Variants in GET1 observed in about 807,000 individuals in gnomAD.
GET1 encodes congenital heart disease 5 protein.
GET1 carries 20 observed loss-of-function variants against 22.6 expected under a neutral mutation model. That is an observed-to-expected ratio of 0.89 (90% confidence interval 0.62 to 1.29). The LOEUF (loss-of-function observed/expected upper bound fraction) is 1.29. Ranked by LOEUF, GET1 falls within the 50% of genes most tolerant of loss-of-function variation. GET1 has a pLI of 0.00. For missense variants in GET1, 209 were observed against 219.9 expected, an observed-to-expected ratio of 0.95 and a Z score of 0.31; for synonymous variants, 92 against 83.8, an observed-to-expected ratio of 1.10 and a Z score of -0.53.
intron 4 of GET1, among the ~76,000 whole-genome samples, chr21:39,396,161 C>T (rs987334789): frequency 2.0e-5 from 3 of 151,962 alleles, no homozygotes; most frequent in Non-Finnish European, 1.5e-5. Context: ...TTTTGGAGGC[C>T]GAGTTAGGCA....
At position 39,380,449 on chromosome 21, in the gene GET1, ATG is replaced by A; in HGVS notation, c.67_68del (p.Val23SerfsTer2). Reference sequence around the variant, plus strand: ...GTGCTCAGCTTCGTGTTTGGATGCAATGTTCTTAGGATCCTCCTCCCGTCCTT... The same window carrying A: ...GTGCTCAGCTTCGTGTTTGGATGCAATTCTTAGGATCCTCCTCCCGTCCTT... On this transcript the variant is annotated frameshift_variant, in exon 1 of 5. Transcript: ENST00000649170. LOFTEE classifies it high-confidence loss of function. 1 of 1,613,322 alleles carries A rather than the reference ATG, an allele frequency of 6.2e-7. No individual in the cohort carries two copies. The highest frequency in any genetic ancestry group is 8.5e-7 in the Non-Finnish European group (1 of 1,179,716).
downstream of GET1, among the ~76,000 whole-genome samples, chr21:39,402,857 T>C (rs1247459113): frequency 1.4e-5 from 1 of 70,928 alleles, no homozygotes; most frequent in African/African-American, 5.3e-5. Context: ...AATCTCATAA[T>C]ACTCAGAGAT....
chr21:39,407,537 T>C (rs190399332), downstream of GET1, among the ~76,000 whole-genome samples: 4 of 151,968 alleles, frequency 2.6e-5, no homozygotes, highest in African/African-American at 9.7e-5. Context: ...CAATAAAACC[T>C]CCTAAACATC....
chr21:39,382,569 A>T (rs1335453211), intron 1 of GET1, among the ~76,000 whole-genome samples: 1 of 152,196 alleles, frequency 6.6e-6, no homozygotes, highest in Admixed American at 6.5e-5. Context: ...AGGTTCATCC[A>T]TGGTGTATCA....
At chr21:39,417,579 A>G (rs926048236) in intron 1 of GET1, among the ~76,000 whole-genome samples, 1 of 152,078 alleles carries the variant, frequency 6.6e-6, no homozygotes. Flanking sequence ...GCTGCTGATA[A>G]AGACATAACT....
intron 1 of GET1, among the ~76,000 whole-genome samples, chr21:39,421,001 CGAAA>C (rs1028050205): frequency 5.3e-5 from 8 of 151,864 alleles, no homozygotes; most frequent in Non-Finnish European, 8.8e-5. Context: ...GAAGTATAAC[CGAAA>C]GAAAGACCCC....
At chr21:39,405,369 A>C (rs2038987146) in intron 4 of GET1, among the ~76,000 whole-genome samples, 1 of 144,896 alleles carries the variant, frequency 6.9e-6, no homozygotes, top group Non-Finnish European at 1.5e-5. Context: ...AATTCTTATA[A>C]TTTTTGTAGA....
intron 1 of GET1, among the ~76,000 whole-genome samples, chr21:39,415,988 A>T (rs2041081646): frequency 6.6e-6 from 1 of 152,178 alleles, no homozygotes; most frequent in Non-Finnish European, 1.5e-5. Context: ...CGTATCTCTT[A>T]TGTGATACTA....
intron 1 of GET1, among the ~76,000 whole-genome samples, chr21:39,419,787 T>C (rs2041973370): frequency 1.3e-5 from 2 of 152,174 alleles, no homozygotes; most frequent in African/African-American, 2.4e-5. Flanking sequence ...GATTTATTAG[T>C]TGAGGCTTGA....
At chr21:39,405,880 A>C (rs766031527) in intron 4 of GET1, 12 of 1,558,262 alleles carry the variant, frequency 7.7e-6, no homozygotes, top group Non-Finnish European at 1.1e-5. Context: ...TATTGATTAT[A>C]TTTAAATAAT....
chr21:39,412,734 A>G (rs565873557), intron 1 of GET1, among the ~76,000 whole-genome samples: 13 of 152,336 alleles, frequency 8.5e-5, no homozygotes, highest in Admixed American at 1.3e-4. Flanking sequence ...GGAAAGTCTC[A>G]GTGCAAGAGG....
chr21:39,390,052 T>G (rs928933379), intron 1 of GET1, among the ~76,000 whole-genome samples: 4 of 151,684 alleles, frequency 2.6e-5, no homozygotes, highest in Non-Finnish European at 4.4e-5. Flanking sequence ...GTTTTTTTTT[T>G]TTTTTTTTTT....
At chr21:39,400,760 A>G (rs577900128), downstream of GET1, among the ~76,000 whole-genome samples, 1 of 152,306 alleles carries the variant, frequency 6.6e-6, no homozygotes, top group African/African-American at 2.4e-5. Context: ...ATGCGTATCA[A>G]TCTATTGACA....
chr21:39,426,161 C>T (rs1332065637), intron 1 of GET1: 1 of 152,184 alleles, frequency 6.6e-6, no homozygotes, highest in Non-Finnish European at 1.5e-5. Flanking sequence ...ACTTTCCTGT[C>T]TACCCTAGTG....
At chr21:39,425,711 C>T (rs1195759843) in intron 1 of GET1, among the ~76,000 whole-genome samples, 1 of 152,184 alleles carries the variant, frequency 6.6e-6, no homozygotes, top group Non-Finnish European at 1.5e-5. Context: ...ATGTTCTACA[C>T]TATGGCCAGC....
chr21:39,400,395 T>G (rs1206584971), downstream of GET1, among the ~76,000 whole-genome samples: 2 of 152,234 alleles, frequency 1.3e-5, no homozygotes, highest in Non-Finnish European at 2.9e-5. Context: ...ATGACGCAAG[T>G]GCCTTTAGGG....
intron 4 of GET1, among the ~76,000 whole-genome samples, chr21:39,396,258 C>T (rs1052557341): frequency 1.1e-4 from 16 of 152,024 alleles, no homozygotes; most frequent in African/African-American, 1.9e-4. Context: ...AGCCGGGTGT[C>T]GGCCGGGTGC....
At chr21:39,390,042 G>GT (rs553712185) in intron 1 of GET1, among the ~76,000 whole-genome samples, 4,415 of 130,874 alleles carry the variant, frequency 0.034, 103 homozygotes, top group African/African-American at 0.049. Context: ...TTGAATATGA[G>GT]TTTTTTTTTT....
intron 4 of GET1, among the ~76,000 whole-genome samples, chr21:39,403,547 G>T (rs920880203): frequency 1.7e-5 from 2 of 120,490 alleles, no homozygotes; most frequent in South Asian, 2.4e-4. Context: ...GGATGGTCTC[G>T]ATCTGACTTC....
Sources: allele counts gnomAD v4.1 joint callset (sites outside exome capture counted in the v4.1 genomes callset), GRCh38; gene constraint gnomAD v4.1.1; transcripts MANE v1.5; gene names NCBI Gene and HGNC (gene_info 2026-07-23, HGNC 2026-07-21).